PRB3: variants seen among roughly 807,000 people sequenced by gnomAD.
The protein encoded by PRB3 is proline rich protein BstNI subfamily 3, also known as basic salivary proline-rich protein 3.
In PRB3, 9 loss-of-function variants were observed where a neutral mutation model predicts 10.0. That is an observed-to-expected ratio of 0.90 (90% CI 0.54 to 1.57). The LOEUF is 1.57. PRB3 is among the 40% of genes most tolerant of loss of function. The probability of loss-of-function intolerance (pLI) is 0.00; values close to 1 mark genes in which losing one functional copy is unlikely to be tolerated. For synonymous variants in PRB3, 89 were observed against 138.6 expected (o/e 0.64, Z 2.52); for missense variants, 285 against 385.5 (o/e 0.74, Z 2.18).
At chr12:11,268,390 C>G (rs905180145) in intron 2 of PRB3, among the ~76,000 whole-genome samples, 4 of 152,128 alleles carry the variant, frequency 2.6e-5, no homozygotes, top group Non-Finnish European at 5.9e-5. Flanking sequence ...AGCAGGCACT[C>G]CTGGCAGGAG....
Position 11,267,291 on chromosome 12 carries a change from G to C in PRB3, c.958C>G (p.Gln320Glu), listed in dbSNP as rs572902782. Residue 320 changes from glutamine to glutamate, a missense_variant, in exon 3 of 4, where the codon CAG (glutamine) becomes GAG (glutamate). Coordinates refer to ENST00000538488, the MANE Select transcript of PRB3 (RefSeq NM_001394862.1). ...GPPPPGGNPQ[Q>E]PLPPPAGKPQ... ...TTTCCAGCGGGAGGTGGCAGAGGCT[G>C]CTGGGGATTGCCTCCTGGTGGGGGT... The C allele has an allele frequency of 4.3e-6, 7 of 1,613,070 alleles. No homozygotes were observed. In the Admixed American group the frequency reaches 1.0e-4, roughly 23 times the overall value.
intron 3 of PRB3, 84 bp from the exon 4 acceptor site, chr12:11,266,113 G>A: frequency 2.3e-6 from 1 of 434,934 alleles, no homozygotes; most frequent in Non-Finnish European, 4.6e-6. Context: ...TACTGCAGTA[G>A]AGTACATGAG....
chr12:11,268,192 A>G, intron 2 of PRB3, 44 bp from the exon 3 acceptor site: 4 of 1,613,366 alleles, frequency 2.5e-6, no homozygotes, highest in Non-Finnish European at 3.4e-6. Context: ...AGTTGCCGCA[A>G]ATTTTTACAG....
At position 11,268,096 on chromosome 12, in the gene PRB3, T is replaced by C. The variant is rs560467592; in HGVS notation, c.153A>G (p.Pro51=). The stretch of plus-strand genomic sequence containing the variant: ...GTCCTTCTGGCTTTCCTGGAGGAGG[T>C]GGGGTACGTTGGGGCTGGTTTCCTC... ...PQGGNQPQRT[P]PPPGKPEGRP... is the part of the protein sequence containing the mutation. Residue 51 remains proline (P), a synonymous_variant, in exon 3 of 4, where the codon CCA becomes CCG. Transcript: ENST00000538488. The C allele has an allele frequency of 3.9e-5, 63 of 1,612,100 alleles. No individual in the cohort carries two copies. The East Asian group carries it at 1.3e-3, about 34-fold the overall frequency.
At position 11,267,166 on chromosome 12, in the gene PRB3, G is replaced by A. The variant is rs1468402611; in HGVS notation, c.*17+10C>T. ...TAGAGCACTTGGTGAAGAATAAACT[G>A]GAATCATACCTGTCATTGAACCTTG... On this transcript the variant is annotated intron_variant, in intron 3 of 3. Transcript: ENST00000538488. 1 of 1,589,462 alleles carries A rather than the reference G, an allele frequency of 6.3e-7. No homozygotes were observed. The highest frequency in any genetic ancestry group is 1.1e-5 in the South Asian group (1 of 90,546).
chr12:11,267,212 T>C lies in PRB3; in HGVS notation c.1037A>G (p.Gln346Arg). ...PQGGRPHRPP[Q>R]GQPPQ ...CCTTGATTACTGGGGAGGCTGTCCC[T>C]GGGGAGGTCTGTGTGGTCTGCCCCC... Residue 346 changes from glutamine to arginine, a missense_variant, in exon 3 of 4, where the codon CAG (glutamine) becomes CGG (arginine). Physicochemically the swap from Gln to Arg is conservative, Grantham distance 43. Transcript: ENST00000538488. The C allele has an allele frequency of 6.2e-7, 1 of 1,613,870 alleles. No homozygotes were observed. The highest frequency in any genetic ancestry group is 8.5e-7 in the Non-Finnish European group (1 of 1,179,792).
chr12:11,269,576 T>A, intron 1 of PRB3, 30 bp downstream of exon 1: 1 of 1,612,592 alleles, frequency 6.2e-7, no homozygotes. Flanking sequence ...CCAAGCAGAG[T>A]CACCACATCT....
At chr12:11,266,845 CAG>C (rs1948591719) in intron 3 of PRB3, among the ~76,000 whole-genome samples, 1 of 152,144 alleles carries the variant, frequency 6.6e-6, no homozygotes, top group Admixed American at 6.5e-5. Context: ...AATGAGCAAA[CAG>C]TGCTCAGGTG....
chr12:11,268,703 C>A (rs1948621780), intron 1 of PRB3, 35 bp from the exon 2 acceptor site: 1 of 1,607,144 alleles, frequency 6.2e-7, no homozygotes, highest in South Asian at 1.1e-5. Flanking sequence ...GGAAAGGTTA[C>A]ATCTCGAATT....
Position 11,268,647 on chromosome 12 carries a change from G to T in PRB3, c.86C>A (p.Pro29His). Residue 29 changes from proline (P) to histidine (H), a missense_variant, in exon 2 of 4, where the codon CCC becomes CAC. Physicochemically the swap from Pro to His is moderately conservative, Grantham distance 77. Around this residue, in one of 3 missense-constraint regions of PRB3, gnomAD observed 147 missense variants for 129.4 expected, o/e 1.14. Coordinates refer to ENST00000538488, the MANE Select transcript of PRB3 (RefSeq NM_001394862.1). ...LNEDVSQEESPSVISGKPEGR... is the reference protein window; with the variant it reads ...LNEDVSQEESHSVISGKPEGR... ...TTGGGATTTACCTGATATTACGGAGGGAGATTCTTCCTGGCTGACATCTAG... is the reference window on the plus strand; with the variant it reads ...TTGGGATTTACCTGATATTACGGAGTGAGATTCTTCCTGGCTGACATCTAG... The T allele has an allele frequency of 6.2e-7, 1 of 1,612,786 alleles. No homozygotes were observed. Among genetic ancestry groups the T allele is most frequent in the Non-Finnish European group, 8.5e-7 (1 of 1,178,756 alleles).
intron 3 of PRB3, among the ~76,000 whole-genome samples, 190 bp from the exon 4 acceptor site, chr12:11,266,219 C>G (rs767691713): frequency 2.1e-4 from 32 of 152,076 alleles, no homozygotes; most frequent in Non-Finnish European, 4.0e-4. Flanking sequence ...ACAATGTGCT[C>G]CAAATTGTTG....
At chr12:11,269,393 C>T (rs1010916313) in intron 1 of PRB3, among the ~76,000 whole-genome samples, 1 of 152,132 alleles carries the variant, frequency 6.6e-6, no homozygotes, top group African/African-American at 2.4e-5. Context: ...CTTCTCATTC[C>T]CCTGGTACAA....
At chr12:11,266,850 C>A (rs997752752) in intron 3 of PRB3, among the ~76,000 whole-genome samples, 4 of 152,170 alleles carry the variant, frequency 2.6e-5, no homozygotes, top group African/African-American at 9.7e-5. Context: ...GCAAACAGTG[C>A]TCAGGTGAAA....
In PRB3 at chr12:11,269,593, CCTT is replaced by C. The variant is rs753019438; in HGVS notation, c.64+10_64+12del. The C allele has an allele frequency of 2.5e-6, 4 of 1,613,810 alleles. No individual in the cohort carries two copies. The highest frequency in any genetic ancestry group is 3.4e-6 in the Non-Finnish European group (4 of 1,179,838). On this transcript the variant is annotated intron_variant, in intron 1 of 3. Transcript: ENST00000538488. ...AAGCAGAGTCACCACATCTTCTCCT[CCTT>C]CTGTCTTACCTTCATTTAAGCTCTG...
intron 3 of PRB3, 45 bp downstream of exon 3, chr12:11,267,131 C>A (rs763693654): frequency 1.3e-6 from 2 of 1,534,742 alleles, no homozygotes; most frequent in Middle Eastern, 3.4e-4. Flanking sequence ...AGTTGGAGAA[C>A]TGTAACACTT....
intron 1 of PRB3, among the ~76,000 whole-genome samples, chr12:11,268,971 G>T (rs1180742418): frequency 6.6e-6 from 1 of 152,072 alleles, no homozygotes; most frequent in Non-Finnish European, 1.5e-5. Flanking sequence ...TGATATTTTG[G>T]TATTCTTATG....
At chr12:11,266,336 A>T (rs1323604590) in intron 3 of PRB3, among the ~76,000 whole-genome samples, 1 of 152,204 alleles carries the variant, frequency 6.6e-6, no homozygotes, top group African/African-American at 2.4e-5. Context: ...CTATTTTATA[A>T]TAGTGATAAG....
At chr12:11,266,229 G>A (rs1194634189) in intron 3 of PRB3, among the ~76,000 whole-genome samples, 200 bp from the exon 4 acceptor site, 1 of 152,130 alleles carries the variant, frequency 6.6e-6, no homozygotes, top group African/African-American at 2.4e-5. Context: ...CCAAATTGTT[G>A]CTGAGAAGAT....
chr12:11,267,371 G>T lies in PRB3; in HGVS notation c.878C>A (p.Pro293Gln), dbSNP rs1385825561. 4 of 1,611,602 alleles carry T rather than the reference G, an allele frequency of 2.5e-6. No individual in the cohort carries two copies. The highest frequency in any genetic ancestry group is 2.2e-5 in the East Asian group (1 of 44,646). The change falls in exon 3 of 4, where the codon CCA becomes CAA. Residue 293 changes from proline (P) to glutamine (Q), a missense_variant. Physicochemically the swap from Pro to Gln is moderately conservative, Grantham distance 76 (BLOSUM62 -1). This residue lies in a region of PRB3 where 108 missense variants were observed against 106.9 expected (regional missense o/e 1.01). Transcript: ENST00000538488. ...PHPGKPQGPP[P>Q]QEGNKPQRPP... The stretch of plus-strand genomic sequence containing the variant: ...ACGTTGAGGTTTGTTACCTTCTTGT[G>T]GGGGTGGTCCTTGTGGCTTTCCTGG...
Sources: allele counts gnomAD v4.1 joint callset (sites outside exome capture counted in the v4.1 genomes callset), GRCh38; gene constraint gnomAD v4.1.1; regional missense constraint gnomAD v4.1.1; transcripts MANE v1.5; gene names NCBI Gene and HGNC (gene_info 2026-07-23, HGNC 2026-07-21).